SLCO6A1: variants seen among roughly 807,000 people sequenced by gnomAD.
SLCO6A1 encodes the protein solute carrier organic anion transporter family member 6A1, also known as cancer/testis antigen 48.
SLCO6A1 carries 65 observed loss-of-function variants against 72.7 expected under a neutral mutation model. The ratio of observed to expected loss-of-function variants is 0.89; its 90% CI spans 0.73 to 1.10. SLCO6A1 has a LOEUF of 1.10. Ranked by LOEUF, SLCO6A1 falls within the 50% of genes least tolerant of loss-of-function variation. The pLI, the probability that SLCO6A1 is intolerant of heterozygous loss-of-function variation, is 0.00. For synonymous variants in SLCO6A1, 314 were observed against 298.2 expected (o/e 1.05, Z -0.55); for missense variants, 874 against 872.6 (o/e 1.00, Z -0.02).
chr5:102,448,993 G>T (rs1442990053), intron 6 of SLCO6A1, among the ~76,000 whole-genome samples: 1 of 152,138 alleles, frequency 6.6e-6, no homozygotes, highest in Non-Finnish European at 1.5e-5. Context: ...TTTTGTGGTG[G>T]TCAGTAATGG....
intron 7 of SLCO6A1, among the ~76,000 whole-genome samples, chr5:102,436,368 A>T (rs1001290692): frequency 6.6e-6 from 1 of 152,182 alleles, no homozygotes; most frequent in Non-Finnish European, 1.5e-5. Flanking sequence ...CAAAACCCAA[A>T]GACTGCACAT....
At chr5:102,416,326 A>G (rs1748282874) in intron 8 of SLCO6A1, among the ~76,000 whole-genome samples, 2 of 152,066 alleles carry the variant, frequency 1.3e-5, no homozygotes. Flanking sequence ...AGATGATTGA[A>G]TTAAAAAATG....
chr5:102,401,372 A>T (rs768883971), intron 9 of SLCO6A1, among the ~76,000 whole-genome samples: 1 of 152,124 alleles, frequency 6.6e-6, no homozygotes, highest in South Asian at 2.1e-4. Flanking sequence ...CAATGTAAAG[A>T]ACTTTGGTTT....
At chr5:102,495,671 T>C (rs1343607537) in intron 1 of SLCO6A1, among the ~76,000 whole-genome samples, 2 of 152,148 alleles carry the variant, frequency 1.3e-5, no homozygotes, top group Non-Finnish European at 2.9e-5. Context: ...TTCATGTCTG[T>C]ACATATTTAC....
At chr5:102,374,001 A>G (rs1745634756) in intron 12 of SLCO6A1, among the ~76,000 whole-genome samples, 1 of 151,864 alleles carries the variant, frequency 6.6e-6, no homozygotes, top group Non-Finnish European at 1.5e-5. Context: ...TGGATGCAAT[A>G]TTTAATTAAT....
intron 6 of SLCO6A1, among the ~76,000 whole-genome samples, chr5:102,445,230 CTGT>C (rs2112703095): frequency 6.6e-6 from 1 of 152,324 alleles, no homozygotes; most frequent in South Asian, 2.1e-4. Flanking sequence ...ACACCAGCAT[CTGT>C]TATTTTTCCA....
chr5:102,441,920 C>T (rs1749855694), intron 6 of SLCO6A1, among the ~76,000 whole-genome samples: 1 of 151,390 alleles, frequency 6.6e-6, no homozygotes, highest in African/African-American at 2.4e-5. Context: ...GTAGTAGATT[C>T]AAATATTGAT....
chr5:102,404,784 G>C (rs1478101649), intron 9 of SLCO6A1, among the ~76,000 whole-genome samples: 1 of 152,120 alleles, frequency 6.6e-6, no homozygotes, highest in Non-Finnish European at 1.5e-5. Context: ...GAGAACACTA[G>C]AGAATGTATA....
chr5:102,405,846 A>G (rs928915889), intron 9 of SLCO6A1, among the ~76,000 whole-genome samples: 1 of 152,084 alleles, frequency 6.6e-6, no homozygotes, highest in Non-Finnish European at 1.5e-5. Context: ...AAATTTGAAT[A>G]TATGTATAGC....
At chr5:102,444,267 C>T (rs1749992478) in intron 6 of SLCO6A1, among the ~76,000 whole-genome samples, 1 of 152,094 alleles carries the variant, frequency 6.6e-6, no homozygotes, top group Non-Finnish European at 1.5e-5. Flanking sequence ...TCAACCAGGG[C>T]TTATTGAAGG....
intron 9 of SLCO6A1, among the ~76,000 whole-genome samples, chr5:102,410,249 C>T (rs149981262): frequency 1.3e-3 from 196 of 152,168 alleles, no homozygotes; most frequent in African/African-American, 4.6e-3. Flanking sequence ...CTCCTCTCTG[C>T]AACTGGTCAT....
chr5:102,457,193 C>T (rs1444509475), intron 6 of SLCO6A1, among the ~76,000 whole-genome samples: 1 of 152,094 alleles, frequency 6.6e-6, no homozygotes, highest in Non-Finnish European at 1.5e-5. Flanking sequence ...TAGGCATGGG[C>T]AAGGACTTCA....
At chr5:102,436,934 A>C (rs1749571968) in intron 7 of SLCO6A1, among the ~76,000 whole-genome samples, 1 of 152,206 alleles carries the variant, frequency 6.6e-6, no homozygotes, top group South Asian at 2.1e-4. Context: ...AGATTCAAGA[A>C]CATAGGGGTG....
chr5:102,441,619 G>T (rs1385092135), intron 6 of SLCO6A1, among the ~76,000 whole-genome samples: 2 of 151,842 alleles, frequency 1.3e-5, no homozygotes, highest in Non-Finnish European at 1.5e-5. Flanking sequence ...TACTTGCATT[G>T]GATTCATAGA....
chr5:102,464,025 T>C (rs759016840), intron 4 of SLCO6A1, among the ~76,000 whole-genome samples: 2 of 151,976 alleles, frequency 1.3e-5, no homozygotes, highest in Non-Finnish European at 2.9e-5. Flanking sequence ...TGTAATGGAC[T>C]TTGGGGACTT....
chr5:102,498,590 C>T lies in SLCO6A1; in HGVS notation c.255G>A (p.Leu85=), dbSNP rs750888384. ...AGCAGCCCAAACCACAGGGCTGCTC[C>T]AAACTGTCATCCACTTCTCCCGGCT... ...SKKPGEVDDS[L]EQPCGLGCLV... The change falls in exon 1 of 14, where the codon TTG becomes TTA. Residue 85 remains leucine, a synonymous_variant. Coordinates refer to ENST00000506729, the MANE Select transcript of SLCO6A1 (RefSeq NM_173488.5). 6.2e-7 allele frequency: 1 copy of T among 1,614,264 alleles called. No homozygotes were observed. Among genetic ancestry groups the T allele is most frequent in the South Asian group, 1.1e-5 (1 of 91,090 alleles).
chr5:102,496,445 T>C (rs1318832061), intron 1 of SLCO6A1, among the ~76,000 whole-genome samples: 2 of 152,202 alleles, frequency 1.3e-5, no homozygotes, highest in Non-Finnish European at 2.9e-5. Context: ...TAACTACCTG[T>C]ATGAAGTCAG....
rs1240519590 is a variant in SLCO6A1 at position 102,371,927 on chromosome 5, T to G, written c.*212A>C. 2 of 152,030 alleles carry G rather than the reference T, an allele frequency of 1.3e-5. No homozygotes were observed. The highest frequency in any genetic ancestry group is 2.9e-5 in the Non-Finnish European group (2 of 67,926). 9.4% of individuals were successfully genotyped at this position (152,030 alleles called of 1,614,324 possible). Reference sequence around the variant, plus strand: ...TAAATCCTAAAAATTCTACATACATTAAAAACATTATCAGAAATGTTTCAC... The same window carrying G: ...TAAATCCTAAAAATTCTACATACATGAAAAACATTATCAGAAATGTTTCAC... On this transcript the variant is annotated 3_prime_UTR_variant, in exon 14 of 14. Transcript: ENST00000506729.
chr5:102,415,727 A>C (rs539634393), intron 8 of SLCO6A1, among the ~76,000 whole-genome samples: 1 of 152,282 alleles, frequency 6.6e-6, no homozygotes, highest in East Asian at 1.9e-4. Flanking sequence ...TAAACTAAAA[A>C]GCTTTTGCAC....
Sources: allele counts gnomAD v4.1 joint callset (sites outside exome capture counted in the v4.1 genomes callset), GRCh38; gene constraint gnomAD v4.1.1; transcripts MANE v1.5; gene names NCBI Gene and HGNC (gene_info 2026-07-23, HGNC 2026-07-21).